The following ADGB variants were observed in gnomAD, a reference collection of about 807,000 sequenced individuals.
ADGB encodes androglobin, also known as calpain-7-like protein.
A neutral mutation model predicts 210.5 loss-of-function variants in ADGB; 172 were observed. The ratio of observed to expected loss-of-function variants is 0.82; its 90% confidence interval spans 0.72 to 0.93. The LOEUF (loss-of-function observed/expected upper bound fraction) is 0.93. Among genes scored for constraint, ADGB ranks in the 40% least tolerant of loss-of-function variants. The pLI is 0.00. For synonymous variants in ADGB, 658 were observed against 662.7 expected (o/e 0.99, Z 0.11); for missense variants, 2,025 against 1,964.8 (o/e 1.03, Z -0.58).
intron 35 of ADGB, chr6:146,803,751 A>C (rs1778167459): frequency 1.3e-6 from 1 of 743,110 alleles, no homozygotes; most frequent in Non-Finnish European, 2.2e-6. Flanking sequence ...GCGGCGCCTC[A>C]GCCCAGCCTC....
At position 146,639,772 on chromosome 6, in the gene ADGB, A is replaced by G. The variant is rs541142847; in HGVS notation, c.237+4235A>G. ...AGATTAGCATGGCCCCTGCACAAGC[A>G]TGCCTCCTGCACAAGCATGGCACAC... On this transcript the variant is annotated intron_variant, in intron 2 of 35. Coordinates refer to ENST00000397944, the MANE Select transcript of ADGB (RefSeq NM_024694.4). The G allele has an allele frequency of 9.2e-5, 14 of 152,126 alleles. 1 individual carries two copies. The East Asian group carries it at 2.7e-3, about 29-fold the overall frequency. The allele number at this position is 152,126 out of a possible 1,614,324, so 9.4% of individuals were successfully genotyped here.
intron 9 of ADGB, among the ~76,000 whole-genome samples, chr6:146,682,287 T>C (rs562079786): frequency 1.6e-4 from 25 of 152,196 alleles, no homozygotes; most frequent in African/African-American, 5.8e-4. Flanking sequence ...TTCTGAAATA[T>C]GCTTATAGAA....
intron 2 of ADGB, among the ~76,000 whole-genome samples, chr6:146,638,612 G>A (rs1562261537): frequency 7.8e-6 from 1 of 128,476 alleles, no homozygotes; most frequent in South Asian, 3.1e-4. Flanking sequence ...TGTGGGGTGG[G>A]GGGGGGGGGG....
intron 35 of ADGB, among the ~76,000 whole-genome samples, chr6:146,811,579 T>C (rs111242655): frequency 6.6e-6 from 1 of 152,166 alleles, no homozygotes; most frequent in Non-Finnish European, 1.5e-5. Context: ...AAGTGATGTA[T>C]TTTTGATCAA....
chr6:146,714,161 A>G (rs1231174012), intron 13 of ADGB, among the ~76,000 whole-genome samples: 1 of 152,166 alleles, frequency 6.6e-6, no homozygotes, highest in African/African-American at 2.4e-5. Flanking sequence ...TTTGTTGTAC[A>G]TATATATTTA....
rs145664320 is a variant in ADGB, at chr6:146,672,276, A to T, written c.896A>T (p.Lys299Met). ...ELLKEILPEFKLSDEASSESK... is the reference protein window; with the variant it reads ...ELLKEILPEFMLSDEASSESK... ...CTGAAAGAAATATTGCCTGAGTTTA[A>T]GCTGTCAGATGAGGCCAGCTCTGAA... The change falls in exon 8 of 36, where the codon AAG (lysine) becomes ATG (methionine). Residue 299 changes from lysine (K) to methionine (M), a missense_variant. Coordinates refer to ENST00000397944, the MANE Select transcript of ADGB (RefSeq NM_024694.4). 2 of 1,550,506 alleles carry T rather than the reference A, an allele frequency of 1.3e-6. No homozygotes were observed. Among genetic ancestry groups the T allele is most frequent in the African/African-American group, 2.7e-5 (2 of 72,952 alleles).
At chr6:146,743,975 A>T (rs189157977) in intron 25 of ADGB, among the ~76,000 whole-genome samples, 58 of 152,292 alleles carry the variant, frequency 3.8e-4, no homozygotes, top group African/African-American at 1.4e-3. Flanking sequence ...GTGTGAATAG[A>T]AAAAGAGCTT....
rs1335033502 is a variant in ADGB at position 146,721,436 on chromosome 6, GTAGA to G, written c.2030_2033del (p.Asp677ValfsTer2). ...AGAACGAGTGTCCTACTATCTATTT[GTAGA>G]TAGTCTAAAACCTATTGAACTACTG... On this transcript the variant is annotated frameshift_variant, in exon 17 of 36. Transcript: ENST00000397944. LOFTEE classifies it high-confidence loss of function. 4 of 1,550,184 alleles carry G rather than the reference GTAGA, an allele frequency of 2.6e-6. No individual in the cohort carries two copies.
intron 16 of ADGB, among the ~76,000 whole-genome samples, chr6:146,718,241 G>A (rs1776762757): frequency 6.6e-6 from 1 of 151,552 alleles, no homozygotes; most frequent in Non-Finnish European, 1.5e-5. Context: ...CAGCTACTCA[G>A]GAGGCTGAGG....
intron 1 of ADGB, chr6:146,600,410 C>A: frequency 4.8e-6 from 1 of 209,286 alleles, no homozygotes; most frequent in East Asian, 1.7e-4. Context: ...CTTCTCTCCA[C>A]TCCCTGAGTC....
chr6:146,753,670 T>C (rs1461263261), intron 27 of ADGB, among the ~76,000 whole-genome samples: 1 of 151,964 alleles, frequency 6.6e-6, no homozygotes, highest in Non-Finnish European at 1.5e-5. Context: ...TTGTTGTTTA[T>C]AGAAATCATC....
At chr6:146,678,338 T>C (rs941649210) in intron 9 of ADGB, among the ~76,000 whole-genome samples, 2 of 152,190 alleles carry the variant, frequency 1.3e-5, no homozygotes, top group African/African-American at 4.8e-5. Flanking sequence ...GCGATTCTTG[T>C]GCCTCAACCT....
At chr6:146,714,315 G>T (rs1336170943) in intron 13 of ADGB, among the ~76,000 whole-genome samples, 2 of 146,128 alleles carry the variant, frequency 1.4e-5, no homozygotes, top group Non-Finnish European at 3.0e-5. Flanking sequence ...TGTGCATCTT[G>T]TTTTTTTTTT....
chr6:146,682,008 G>C (rs924523693), intron 9 of ADGB, among the ~76,000 whole-genome samples: 2 of 152,044 alleles, frequency 1.3e-5, no homozygotes, highest in Non-Finnish European at 2.9e-5. Flanking sequence ...TATGTGAACT[G>C]ACTCATATGA....
At chr6:146,752,425 T>G (rs1384917638) in intron 26 of ADGB, 105 bp from the exon 27 acceptor site, 2 of 1,033,152 alleles carry the variant, frequency 1.9e-6, no homozygotes, top group Non-Finnish European at 2.8e-6. Context: ...GGGTCACAGT[T>G]TGACAGCAGA....
At chr6:146,771,097 T>C (rs574854484) in intron 29 of ADGB, among the ~76,000 whole-genome samples, 7 of 152,186 alleles carry the variant, frequency 4.6e-5, no homozygotes, top group Admixed American at 3.9e-4. Flanking sequence ...GCAAATACCT[T>C]GCAGGCCACG....
chr6:146,715,427 A>C lies in ADGB; in HGVS notation c.1741+12A>C. 2.7e-6 allele frequency: 4 copies of C among 1,490,876 alleles called. No individual in the cohort carries two copies. Among genetic ancestry groups the C allele is most frequent in the Non-Finnish European group, 3.6e-6 (4 of 1,118,650 alleles). The allele number at this position is 1,490,876 out of a possible 1,614,324, so 92.4% of individuals were successfully genotyped here. A position where few individuals can be genotyped will look rare whatever the true frequency, so the allele number is the denominator to read the frequency against. On this transcript the variant is annotated intron_variant, in intron 14 of 35. Transcript: ENST00000397944. ...TATACTTGGAAAAGGTAAATTAATA[A>C]TTTTCCTGTGACTTTTTTCAATGTA...
chr6:146,600,321 C>G (rs1004442650), intron 1 of ADGB: 4 of 253,976 alleles, frequency 1.6e-5, no homozygotes, highest in African/African-American at 9.1e-5. Context: ...CTAATGGCTT[C>G]CATTCCTCTA....
In ADGB at chr6:146,815,291, TTAAGA is replaced by T. The variant is rs1244913219; in HGVS notation, c.*77_*81del. ...TGTAATGATCTTTAACTGCCTGCTG[TTAAGA>T]TATTAGGCCAAATGAAAATAGAAAT... On this transcript the variant is annotated 3_prime_UTR_variant, in exon 36 of 36. Coordinates refer to ENST00000397944, the MANE Select transcript of ADGB (RefSeq NM_024694.4). The T allele has an allele frequency of 2.1e-5, 25 of 1,177,134 alleles. No individual in the cohort carries two copies. Among genetic ancestry groups the T allele is most frequent in the Middle Eastern group, 2.1e-4 (1 of 4,668 alleles). 72.9% of individuals were successfully genotyped at this position (1,177,134 alleles called of 1,614,324 possible).
Sources: gnomAD v4.1 joint callset for allele counts (sites outside exome capture counted in the v4.1 genomes callset) on GRCh38, gnomAD v4.1.1 for gene constraint, MANE v1.5 for transcripts, NCBI Gene and HGNC (gene_info 2026-07-23, HGNC 2026-07-21) for gene names.